Variants in RAB28 observed in about 807,000 individuals in gnomAD.
The protein encoded by RAB28 is RAB28, member RAS oncogene family, also known as ras-related protein Rab-28.
A neutral mutation model predicts 31.7 loss-of-function variants in RAB28; 24 were observed. The observed-to-expected ratio is 0.76, with a 90% CI of 0.55 to 1.06. The LOEUF (loss-of-function observed/expected upper bound fraction) is 1.06. Among genes scored for constraint, RAB28 ranks in the 50% least tolerant of loss-of-function variants. The pLI is 0.00. For synonymous variants in RAB28, 100 were observed against 90.4 expected (o/e 1.11, Z -0.60); for missense variants, 254 against 258.5 (o/e 0.98, Z 0.12).
intron 3 of RAB28, 133 bp from the exon 4 acceptor site, chr4:13,460,961 T>A: frequency 1.2e-6 from 1 of 825,044 alleles, no homozygotes; most frequent in Non-Finnish European, 1.8e-6. Flanking sequence ...ATATATAAAC[T>A]TCCATTTAAA....
chr4:13,440,824 C>T (rs1323672178), intron 4 of RAB28, among the ~76,000 whole-genome samples: 6 of 151,216 alleles, frequency 4.0e-5, no homozygotes, highest in Non-Finnish European at 1.5e-5. Context: ...CTATGACTAG[C>T]GCTGTAAGAA....
At chr4:13,379,032 C>G (rs565396307) in intron 5 of RAB28, among the ~76,000 whole-genome samples, 1 of 151,128 alleles carries the variant, frequency 6.6e-6, no homozygotes, top group African/African-American at 2.4e-5. Context: ...ATGGTGAAAC[C>G]CCATCTCTAC....
chr4:13,367,947 ATTACT>A lies in RAB28; in HGVS notation c.*606_*610del. ...CAGTAATAAAAATACAATATCAAAT[ATTACT>A]TTGTGAGTTACAAACTACAATATAA... On this transcript the variant is annotated 3_prime_UTR_variant, in exon 7 of 7. Coordinates refer to ENST00000330852, the MANE Select transcript of RAB28 (RefSeq NM_001017979.3). The A allele has an allele frequency of 4.1e-6, 4 of 977,216 alleles. No homozygotes were observed. Among genetic ancestry groups the A allele is most frequent in the Non-Finnish European group, 4.9e-6 (4 of 822,442 alleles). 60.5% of individuals were successfully genotyped at this position (977,216 alleles called of 1,614,324 possible). A position where few individuals can be genotyped will look rare whatever the true frequency, so the allele number is the denominator to read the frequency against.
chr4:13,369,741 GT>G (rs2108871964), intron 6 of RAB28: 1 of 882,884 alleles, frequency 1.1e-6, no homozygotes, highest in Non-Finnish European at 1.5e-6. Context: ...AGACGTAGAC[GT>G]GATATTAACT....
intron 4 of RAB28, among the ~76,000 whole-genome samples, chr4:13,451,279 T>C (rs1714953198): frequency 6.6e-6 from 1 of 151,872 alleles, no homozygotes; most frequent in African/African-American, 2.4e-5. Flanking sequence ...TCCCTGATGA[T>C]TAGTGATGTT....
intron 4 of RAB28, among the ~76,000 whole-genome samples, chr4:13,421,363 T>C (rs1713129548): frequency 6.6e-6 from 1 of 152,106 alleles, no homozygotes; most frequent in African/African-American, 2.4e-5. Context: ...GCCATCCCCA[T>C]CAAGCTACTA....
At chr4:13,461,224 T>C (rs1715575734) in intron 3 of RAB28, among the ~76,000 whole-genome samples, 2 of 152,326 alleles carry the variant, frequency 1.3e-5, no homozygotes, top group South Asian at 4.1e-4. Context: ...TAAATAATCA[T>C]CTGCTGCTAC....
intron 4 of RAB28, among the ~76,000 whole-genome samples, chr4:13,424,779 A>G (rs1018633163): frequency 6.6e-6 from 1 of 152,160 alleles, no homozygotes; most frequent in African/African-American, 2.4e-5. Context: ...ACTGGATCCT[A>G]CCTTCTTCTC....
intron 4 of RAB28, among the ~76,000 whole-genome samples, chr4:13,405,243 C>T (rs1390231209): frequency 6.6e-6 from 1 of 152,044 alleles, no homozygotes; most frequent in Admixed American, 6.6e-5. Flanking sequence ...CTAAATGATA[C>T]ATTTTAACTT....
intron 4 of RAB28, among the ~76,000 whole-genome samples, chr4:13,445,798 G>T (rs983931774): frequency 4.6e-5 from 7 of 152,312 alleles, no homozygotes; most frequent in Admixed American, 4.6e-4. Flanking sequence ...GTGAACCCCT[G>T]TTGGGAGGTC....
At chr4:13,398,942 G>C (rs752169392) in intron 4 of RAB28, among the ~76,000 whole-genome samples, 12 of 151,544 alleles carry the variant, frequency 7.9e-5, no homozygotes, top group Non-Finnish European at 1.6e-4. Flanking sequence ...AGAGTAAACA[G>C]AAAACTGCCC....
intron 4 of RAB28, among the ~76,000 whole-genome samples, chr4:13,447,626 G>A (rs752613344): frequency 1.1e-4 from 16 of 152,164 alleles, no homozygotes; most frequent in East Asian, 7.7e-4. Flanking sequence ...TTAAAAAAGC[G>A]ATTTAGAGCC....
At chr4:13,410,408 T>G (rs530088809) in intron 4 of RAB28, among the ~76,000 whole-genome samples, 1 of 152,074 alleles carries the variant, frequency 6.6e-6, no homozygotes, top group Non-Finnish European at 1.5e-5. Context: ...AGAAGCCTGA[T>G]TGCCGGTATG....
intron 4 of RAB28, among the ~76,000 whole-genome samples, chr4:13,399,753 A>C (rs1711638314): frequency 6.6e-6 from 1 of 152,096 alleles, no homozygotes; most frequent in Admixed American, 6.5e-5. Flanking sequence ...TTTTTTAACG[A>C]ACGGCCTTTT....
At chr4:13,368,694 T>C (rs745766648) in intron 6 of RAB28, 44 bp from the exon 7 acceptor site, 8 of 1,518,176 alleles carry the variant, frequency 5.3e-6, no homozygotes, top group African/African-American at 2.8e-5. Context: ...TATCAGAACA[T>C]TTAGAAAGAG....
chr4:13,370,832 C>G, intron 6 of RAB28: 1 of 965,490 alleles, frequency 1.0e-6, no homozygotes, highest in Non-Finnish European at 1.2e-6. Flanking sequence ...TTTCAAATAT[C>G]TAAGAGTTTT....
At chr4:13,418,169 T>C (rs1712909371) in intron 4 of RAB28, among the ~76,000 whole-genome samples, 1 of 151,932 alleles carries the variant, frequency 6.6e-6, no homozygotes, top group Non-Finnish European at 1.5e-5. Flanking sequence ...GAAGATCAAA[T>C]TAATGAAATA....
At chr4:13,391,198 C>A (rs1024098393) in intron 4 of RAB28, among the ~76,000 whole-genome samples, 1 of 152,064 alleles carries the variant, frequency 6.6e-6, no homozygotes, top group Admixed American at 6.5e-5. Flanking sequence ...AGAACTTAAA[C>A]AAATTTACAA....
chr4:13,369,937 T>C, intron 6 of RAB28: 9 of 1,612,278 alleles, frequency 5.6e-6, no homozygotes, highest in Non-Finnish European at 7.6e-6. Context: ...TTCTTCCGGG[T>C]ACTTCACTAT....
Sources: allele counts gnomAD v4.1 joint callset (sites outside exome capture counted in the v4.1 genomes callset), GRCh38; gene constraint gnomAD v4.1.1; transcripts MANE v1.5; gene names NCBI Gene and HGNC (gene_info 2026-07-23, HGNC 2026-07-21).